The following MEF2C variants were observed in gnomAD, a reference collection of about 807,000 sequenced individuals.
MEF2C encodes myocyte enhancer factor 2C, also known as myocyte-specific enhancer factor 2C.
MEF2C carries 6 observed loss-of-function variants against 50.5 expected under a neutral mutation model. That is an observed-to-expected ratio of 0.12 (90% CI 0.07 to 0.23). The LOEUF is 0.23. MEF2C is among the 10% of genes least tolerant of loss of function. The pLI, the probability that MEF2C is intolerant of heterozygous loss-of-function variation, is 1.00. For synonymous variants in MEF2C, 183 were observed against 228.0 expected, an observed-to-expected ratio of 0.80 and a Z score of 1.78; for missense variants, 276 against 605.0, an observed-to-expected ratio of 0.46 and a Z score of 5.70.
intron 1 of MEF2C, among the ~76,000 whole-genome samples, chr5:88,880,577 T>A (rs1052513628): frequency 7.9e-5 from 12 of 152,176 alleles, no homozygotes; most frequent in African/African-American, 2.9e-4. Context: ...GTGCTGTTCT[T>A]TATAAAAGAA....
intron 3 of MEF2C, among the ~76,000 whole-genome samples, chr5:88,779,759 G>GGT (rs1232571663): frequency 9.7e-5 from 5 of 51,652 alleles, no homozygotes; most frequent in Non-Finnish European, 1.1e-4. Flanking sequence ...AGCAAAGTGA[G>GGT]GTTTTTTTTT....
chr5:88,774,971 C>T (rs907276830), intron 3 of MEF2C, among the ~76,000 whole-genome samples: 4 of 152,302 alleles, frequency 2.6e-5, no homozygotes, highest in South Asian at 4.1e-4. Flanking sequence ...CACAAGGCTG[C>T]GCTCCTTGAG....
At chr5:88,894,940 T>C (rs377041552) in intron 1 of MEF2C, among the ~76,000 whole-genome samples, 2 of 152,210 alleles carry the variant, frequency 1.3e-5, no homozygotes, top group Non-Finnish European at 2.9e-5. Context: ...GTTTTGACCT[T>C]AATTTTCTAA....
Position 88,787,009 on chromosome 5 carries a change from G to A in MEF2C, c.258+17589C>T, listed in dbSNP as rs548222646. Among the ~76,000 whole-genome samples the A allele has an allele frequency of 1.3e-3, 205 of 152,272 alleles. 2 individuals carry two copies. The highest frequency in any genetic ancestry group is 4.5e-3 in the African/African-American group (188 of 41,562). ...AGAATGCTTAGCAAATGATCTTCAT[G>A]TCCATCAATATCTACTGAATGAGAG... On this transcript the variant is annotated intron_variant, in intron 3 of 10. Transcript: ENST00000504921.
chr5:88,735,791 C>T, intron 6 of MEF2C: 1 of 985,336 alleles, frequency 1.0e-6, no homozygotes, highest in Non-Finnish European at 1.2e-6. Flanking sequence ...GAACATATTC[C>T]TGGCTTAAGA....
chr5:88,763,658 T>C (rs982458719), intron 3 of MEF2C, among the ~76,000 whole-genome samples: 2 of 147,260 alleles, frequency 1.4e-5, no homozygotes, highest in Non-Finnish European at 3.0e-5. Flanking sequence ...CTTTCTTTCT[T>C]TTTTTTTTTT....
chr5:88,773,832 A>G (rs1783540742), intron 3 of MEF2C, among the ~76,000 whole-genome samples: 1 of 152,232 alleles, frequency 6.6e-6, no homozygotes, highest in Non-Finnish European at 1.5e-5. Flanking sequence ...CTCTAGTCTT[A>G]CTTGTATATT....
chr5:88,735,926 G>A (rs1763878268), intron 6 of MEF2C: 2 of 985,110 alleles, frequency 2.0e-6, no homozygotes, highest in South Asian at 9.4e-5. Flanking sequence ...TTCTTCACTT[G>A]TTTCTTTTTC....
At chr5:88,843,805 C>CTTT (rs35382083) in intron 1 of MEF2C, among the ~76,000 whole-genome samples, 6 of 129,862 alleles carry the variant, frequency 4.6e-5, no homozygotes, top group Non-Finnish European at 6.6e-5. Flanking sequence ...TCCTGTGAAA[C>CTTT]TTTTTTTTTT....
intron 4 of MEF2C, among the ~76,000 whole-genome samples, chr5:88,753,834 T>A (rs1338797782): frequency 1.3e-5 from 2 of 152,238 alleles, no homozygotes; most frequent in Non-Finnish European, 2.9e-5. Flanking sequence ...AAATGTTTGA[T>A]AAGACATCAA....
intron 1 of MEF2C, among the ~76,000 whole-genome samples, chr5:88,890,621 G>A (rs1298397769): frequency 3.3e-5 from 5 of 152,056 alleles, no homozygotes; most frequent in African/African-American, 1.2e-4. Flanking sequence ...AAGTTCTGCT[G>A]GAGAATACTG....
At position 88,734,561 on chromosome 5, in the gene MEF2C, G is replaced by GTT. The variant is rs1554103551; in HGVS notation, c.638-2662_638-2661dup. On this transcript the variant is annotated intron_variant, in intron 6 of 10. Transcript: ENST00000504921. ...ATGCTTCACGGAGGCCTTGAGAAAAGTTTGTTTTTTTTTTTTTTTTTTTTT... is the reference window on the plus strand; with the variant it reads ...ATGCTTCACGGAGGCCTTGAGAAAAGTTTTTGTTTTTTTTTTTTTTTTTTTTT... The GTT allele has an allele frequency of 3.0e-4, 76 of 254,330 alleles. 2 individuals carry two copies. Among genetic ancestry groups the GTT allele is most frequent in the African/African-American group, 2.7e-3 (48 of 17,814 alleles). The allele number at this position is 254,330 out of a possible 1,614,324, so 15.8% of individuals were successfully genotyped here. A position where few individuals can be genotyped will look rare whatever the true frequency, so the allele number is the denominator to read the frequency against.
intron 2 of MEF2C, among the ~76,000 whole-genome samples, chr5:88,813,802 T>C (rs1377907347): frequency 6.6e-6 from 1 of 152,170 alleles, no homozygotes; most frequent in African/African-American, 2.4e-5. Flanking sequence ...AATAGTAGTT[T>C]CTTTGTTTTA....
At chr5:88,734,276 A>T (rs1408839482) in intron 6 of MEF2C, 1 of 985,242 alleles carries the variant, frequency 1.0e-6, no homozygotes, top group Admixed American at 6.2e-5. Flanking sequence ...TCACTTATCT[A>T]TTAAGCCTGT....
intron 2 of MEF2C, among the ~76,000 whole-genome samples, chr5:88,822,457 A>T (rs1182351322): frequency 6.6e-6 from 1 of 151,954 alleles, no homozygotes; most frequent in Non-Finnish European, 1.5e-5. Context: ...TCTTAGTATT[A>T]TTCACCCTCT....
chr5:88,839,351 C>CCCTCTATCTA (rs1816452809), intron 1 of MEF2C: 1 of 146,298 alleles, frequency 6.8e-6, no homozygotes, highest in African/African-American at 2.6e-5. Context: ...CTCTCTCTCT[C>CCCTCTATCTA]TCTATCTATC....
chr5:88,773,664 A>T (rs1253034392), intron 3 of MEF2C, among the ~76,000 whole-genome samples: 1 of 152,160 alleles, frequency 6.6e-6, no homozygotes, highest in Admixed American at 6.5e-5. Flanking sequence ...CCTACAGGGG[A>T]CTAATGGTAA....
At chr5:88,781,396 G>A (rs1787948121) in intron 3 of MEF2C, among the ~76,000 whole-genome samples, 1 of 152,170 alleles carries the variant, frequency 6.6e-6, no homozygotes, top group Non-Finnish European at 1.5e-5. Context: ...AATTCTTACA[G>A]GAAGACCAAA....
At chr5:88,888,715 G>T (rs1458736640) in intron 1 of MEF2C, among the ~76,000 whole-genome samples, 5 of 134,226 alleles carry the variant, frequency 3.7e-5, no homozygotes, top group Non-Finnish European at 8.0e-5. Context: ...GAAAGGTATG[G>T]TAAGGTTTTT....
Sources: allele counts gnomAD v4.1 joint callset (sites outside exome capture counted in the v4.1 genomes callset), GRCh38; gene constraint gnomAD v4.1.1; transcripts MANE v1.5; gene names NCBI Gene and HGNC (gene_info 2026-07-23, HGNC 2026-07-21).